CDH8: variants seen among roughly 807,000 people sequenced by gnomAD.
The protein encoded by CDH8 is cadherin-8.
Under a neutral mutation model 68.1 loss-of-function variants are expected in CDH8, and 17 were observed. The observed-to-expected ratio is 0.25, with a 90% CI of 0.17 to 0.37. The LOEUF (loss-of-function observed/expected upper bound fraction) is 0.37. Among genes scored for constraint, CDH8 ranks in the 10% least tolerant of loss-of-function variants. The pLI is 1.00. For missense variants in CDH8, 763 were observed against 999.3 expected, an observed-to-expected ratio of 0.76 and a Z score of 3.19; for synonymous variants, 372 against 365.1, an observed-to-expected ratio of 1.02 and a Z score of -0.21.
At chr16:62,035,251 G>T (rs373986395) in intron 1 of CDH8, 2 of 152,326 alleles carry the variant, frequency 1.3e-5, no homozygotes, top group Non-Finnish European at 2.9e-5. Flanking sequence ...GCCCCTCAAA[G>T]GTTCCCGGAT....
intron 8 of CDH8, among the ~76,000 whole-genome samples, chr16:61,731,250 G>C (rs1959528773): frequency 1.3e-5 from 2 of 151,676 alleles, no homozygotes; most frequent in South Asian, 4.1e-4. Flanking sequence ...AGATTCACTG[G>C]AGAGAGAGGC....
intron 2 of CDH8, among the ~76,000 whole-genome samples, chr16:61,955,129 A>G (rs1031696166): frequency 6.6e-6 from 1 of 152,230 alleles, no homozygotes; most frequent in African/African-American, 2.4e-5. Flanking sequence ...GACTATTGAT[A>G]TTCATATAAC....
intron 7 of CDH8, among the ~76,000 whole-genome samples, chr16:61,813,918 G>A (rs1470263966): frequency 6.6e-6 from 1 of 152,130 alleles, no homozygotes; most frequent in African/African-American, 2.4e-5. Context: ...AAGACTAAAT[G>A]AGATCAATTA....
At chr16:61,913,929 G>A (rs926021901) in intron 2 of CDH8, among the ~76,000 whole-genome samples, 8 of 152,180 alleles carry the variant, frequency 5.3e-5, no homozygotes, top group Middle Eastern at 3.4e-3. Context: ...ATATGTTGAA[G>A]CCCTAACCCC....
rs980808256 is a variant in CDH8, at chr16:61,713,866, C to A, written c.1629G>T (p.Pro543=). 6.3e-7 allele frequency: 1 copy of A among 1,588,780 alleles called. No homozygotes were observed. The highest frequency in any genetic ancestry group is 8.6e-7 in the Non-Finnish European group (1 of 1,158,048). The change falls in exon 10 of 12, where the codon CCG becomes CCT. Residue 543 remains proline (P), a synonymous_variant. Coordinates refer to ENST00000577390, the MANE Select transcript of CDH8 (RefSeq NM_001796.5). ...CTTCATTTTTCTTGATGGTGAAATT[C>A]GGATTGTTGACCATTTCTGGAAGGA... The part of the protein sequence containing the change: ...YSLLPEMVNN[P]NFTIKKNEDN...
chr16:61,653,228 G>C lies in CDH8; in HGVS notation c.*380C>G. On this transcript the variant is annotated 3_prime_UTR_variant, in exon 12 of 12. Transcript: ENST00000577390. ...TCCTTGCAGAAGACACATATCAGCAGCAGATTCCTTGCAGGTCCGTATTTT... is the reference window on the plus strand; with the variant it reads ...TCCTTGCAGAAGACACATATCAGCACCAGATTCCTTGCAGGTCCGTATTTT... 1 of 1,192,844 alleles carries C rather than the reference G, an allele frequency of 8.4e-7. No homozygotes were observed. Among genetic ancestry groups the C allele is most frequent in the East Asian group, 3.7e-5 (1 of 27,292 alleles). The allele number at this position is 1,192,844 out of a possible 1,614,324, so 73.9% of individuals were successfully genotyped here. A position where few individuals can be genotyped will look rare whatever the true frequency, so the allele number is the denominator to read the frequency against.
chr16:61,917,805 C>G (rs12599168), intron 2 of CDH8, among the ~76,000 whole-genome samples: 20,087 of 151,924 alleles, frequency 0.13, 1,822 homozygotes, highest in East Asian at 0.29. Flanking sequence ...AAGTTGGTGA[C>G]AAGATCTTCC....
At position 61,651,293 on chromosome 16, in the gene CDH8, C is replaced by G. The variant is rs1276353918; in HGVS notation, c.*2315G>C. 2 of 152,056 alleles carry G rather than the reference C, an allele frequency of 1.3e-5. No individual in the cohort carries two copies. Among genetic ancestry groups the G allele is most frequent in the African/African-American group, 4.8e-5 (2 of 41,406 alleles). The allele number at this position is 152,056 out of a possible 1,614,324, so 9.4% of individuals were successfully genotyped here. A position where few individuals can be genotyped will look rare whatever the true frequency, so the allele number is the denominator to read the frequency against. ...ACTTGTTTTAGACACTGTGCCAAGT[C>G]CTAGTATATTTTAAAGTCATGTTGG... On this transcript the variant is annotated 3_prime_UTR_variant, in exon 12 of 12. Coordinates refer to ENST00000577390, the MANE Select transcript of CDH8 (RefSeq NM_001796.5).
Position 61,827,431 on chromosome 16 carries a change from C to T in CDH8, c.668-2252G>A, listed in dbSNP as rs923501118. Among the ~76,000 whole-genome samples the T allele has an allele frequency of 4.0e-5, 6 of 151,736 alleles. No homozygotes were observed. In the South Asian group the frequency reaches 8.3e-4, roughly 21 times the overall value. On this transcript the variant is annotated intron_variant, in intron 4 of 11. Coordinates refer to ENST00000577390, the MANE Select transcript of CDH8 (RefSeq NM_001796.5). ...TGCATGAGACTTCTCAGGTTACTTG[C>T]GTGAAAGAACTCCTGCAACTTCTCT...
chr16:61,859,721 CT>C (rs1396060010), intron 3 of CDH8, among the ~76,000 whole-genome samples: 2 of 152,154 alleles, frequency 1.3e-5, no homozygotes, highest in Admixed American at 6.5e-5. Context: ...TGAAGGTAAA[CT>C]GAGTCAGGGG....
chr16:61,819,190 C>T (rs572852498), intron 6 of CDH8, among the ~76,000 whole-genome samples: 556 of 151,840 alleles, frequency 3.7e-3, no homozygotes, highest in Middle Eastern at 0.01. Flanking sequence ...TTCTGGTGTC[C>T]CAAGAATTTT....
chr16:61,957,468 T>C (rs1391704678), intron 2 of CDH8, among the ~76,000 whole-genome samples: 1 of 152,142 alleles, frequency 6.6e-6, no homozygotes, highest in South Asian at 2.1e-4. Flanking sequence ...CTAGTTAATG[T>C]GACTTCAAGA....
chr16:61,956,211 C>T (rs1332696252), intron 2 of CDH8, among the ~76,000 whole-genome samples: 1 of 152,040 alleles, frequency 6.6e-6, no homozygotes, highest in African/African-American at 2.4e-5. Context: ...TATACATTCA[C>T]TTTTTAAGAA....
At chr16:61,981,681 T>TGTGCGCGCGC (rs747443852) in intron 2 of CDH8, among the ~76,000 whole-genome samples, 15 of 141,754 alleles carry the variant, frequency 1.1e-4, no homozygotes, top group African/African-American at 4.2e-4. Flanking sequence ...TGTGTGTGTG[T>TGTGCGCGCGC]GCGCGCGCGC....
intron 10 of CDH8, among the ~76,000 whole-genome samples, chr16:61,704,861 G>A (rs1357297215): frequency 6.6e-6 from 1 of 152,098 alleles, no homozygotes; most frequent in African/African-American, 2.4e-5. Flanking sequence ...TGAGTTCCAG[G>A]GAGAAGTAAA....
intron 10 of CDH8, among the ~76,000 whole-genome samples, chr16:61,682,965 G>A (rs368375151): frequency 2.0e-5 from 3 of 151,956 alleles, no homozygotes; most frequent in Admixed American, 2.0e-4. Context: ...ATGGGTAAAT[G>A]GTATGATAAC....
rs187512490 is a variant in CDH8, at chr16:61,898,115, C to T, written c.547+3064G>A. Reference sequence around the variant, plus strand: ...AGGAGTTCAAAAGCAGCCTGACCAACGTGGTAAAACCACGTCTCTACTTAA... The same window carrying T: ...AGGAGTTCAAAAGCAGCCTGACCAATGTGGTAAAACCACGTCTCTACTTAA... On this transcript the variant is annotated intron_variant, in intron 3 of 11. Transcript: ENST00000577390. Among the ~76,000 whole-genome samples, 440 of 152,200 alleles carry T rather than the reference C, an allele frequency of 2.9e-3. 1 individual carries two copies. The highest frequency in any genetic ancestry group is 3.4e-3 in the Non-Finnish European group (230 of 68,020).
intron 2 of CDH8, among the ~76,000 whole-genome samples, chr16:61,919,406 G>A (rs1174195700): frequency 6.8e-6 from 1 of 146,656 alleles, no homozygotes; most frequent in Non-Finnish European, 1.5e-5. Context: ...CAAAGAAGTT[G>A]GAAACTTTGA....
chr16:61,995,076 T>G (rs1965786959), intron 2 of CDH8, among the ~76,000 whole-genome samples: 1 of 152,234 alleles, frequency 6.6e-6, no homozygotes, highest in African/African-American at 2.4e-5. Flanking sequence ...GCTAGCTGTC[T>G]TGTTCCTAGC....
Sources: gnomAD v4.1 joint callset for allele counts (sites outside exome capture counted in the v4.1 genomes callset) on GRCh38, gnomAD v4.1.1 for gene constraint, MANE v1.5 for transcripts, NCBI Gene and HGNC (gene_info 2026-07-23, HGNC 2026-07-21) for gene names.